The following SPAST variants were observed in gnomAD, a reference collection of about 807,000 sequenced individuals.
SPAST encodes the protein spastic paraplegia 4 (autosomal dominant; spastin).
Under a neutral mutation model 76.6 loss-of-function variants are expected in SPAST, and 30 were observed. The observed-to-expected ratio is 0.39, with a 90% confidence interval of 0.29 to 0.53. SPAST has a LOEUF of 0.53. Ranked by LOEUF, SPAST falls within the 20% of genes least tolerant of loss-of-function variation. The pLI is 0.68. For missense variants in SPAST, 717 were observed against 770.5 expected (o/e 0.93, Z 0.82); for synonymous variants, 305 against 281.0 (o/e 1.09, Z -0.86).
chr2:32,064,627 G>T (rs1228253865), intron 1 of SPAST, among the ~76,000 whole-genome samples: 1 of 152,148 alleles, frequency 6.6e-6, no homozygotes, highest in Non-Finnish European at 1.5e-5. Context: ...AAAAGGTTTT[G>T]ATATTGAAGA....
chr2:32,109,361 G>A (rs1009753460), intron 4 of SPAST, among the ~76,000 whole-genome samples: 10 of 151,854 alleles, frequency 6.6e-5, no homozygotes, highest in Admixed American at 2.0e-4. Context: ...CACCCGCCTC[G>A]GCCTCTCAAA....
At chr2:32,100,559 C>T (rs887908105) in intron 4 of SPAST, among the ~76,000 whole-genome samples, 1 of 151,994 alleles carries the variant, frequency 6.6e-6, no homozygotes, top group Non-Finnish European at 1.5e-5. Context: ...GTGCCGCACC[C>T]ATTAACTTGT....
At position 32,089,218 on chromosome 2, in the gene SPAST, T is replaced by TTTTTTTTC. The variant is rs375850129; in HGVS notation, c.503-304_503-303insTTTTTTTC. Among the ~76,000 whole-genome samples, 640 of 129,908 alleles carry TTTTTTTTC rather than the reference T, an allele frequency of 4.9e-3. 48 individuals are homozygous for TTTTTTTTC. The highest frequency in any genetic ancestry group is 0.017 in the African/African-American group (604 of 34,810). The allele number at this position is 129,908 out of a possible 152,430, so 85.2% of individuals were successfully genotyped here. On this transcript the variant is annotated intron_variant, in intron 2 of 16. Coordinates refer to ENST00000315285, the MANE Select transcript of SPAST (RefSeq NM_014946.4). ...CGGCTAATTTTTTTTTTTTTTTTTT[T>TTTTTTTTC]AAGTAGAGACCAGATCTCTTTATGT...
chr2:32,120,596 A>T (rs1678986101), intron 7 of SPAST, among the ~76,000 whole-genome samples: 2 of 143,998 alleles, frequency 1.4e-5, no homozygotes, highest in African/African-American at 5.1e-5. Flanking sequence ...TTTTTCCCAG[A>T]ATACCTTTTC....
intron 7 of SPAST, among the ~76,000 whole-genome samples, chr2:32,124,224 A>C (rs1339838359): frequency 1.3e-5 from 2 of 152,200 alleles, no homozygotes; most frequent in African/African-American, 4.8e-5. Context: ...CTGAACAGAC[A>C]CCTCACCAAG....
chr2:32,066,958 G>A (rs1376957238), intron 1 of SPAST, among the ~76,000 whole-genome samples: 1 of 92,680 alleles, frequency 1.1e-5, no homozygotes, highest in Non-Finnish European at 2.0e-5. Context: ...TGGGTGACAG[G>A]AGTAAAACTG....
intron 1 of SPAST, among the ~76,000 whole-genome samples, chr2:32,075,697 A>G (rs1230629849): frequency 6.7e-6 from 1 of 149,308 alleles, no homozygotes; most frequent in Non-Finnish European, 1.5e-5. Context: ...CTACAGGCAC[A>G]TGGCACCATG....
At chr2:32,078,025 C>G (rs931370148) in intron 1 of SPAST, 1 of 152,020 alleles carries the variant, frequency 6.6e-6, no homozygotes, top group East Asian at 1.9e-4. Context: ...GAGTCTCGCT[C>G]TGTCGCCCAG....
chr2:32,138,004 G>A (rs1043270825), intron 12 of SPAST, among the ~76,000 whole-genome samples: 1 of 152,024 alleles, frequency 6.6e-6, no homozygotes, highest in Non-Finnish European at 1.5e-5. Flanking sequence ...CTTTTTTATG[G>A]CTGCGTAGTA....
intron 1 of SPAST, among the ~76,000 whole-genome samples, chr2:32,086,142 A>T (rs564115948): frequency 6.6e-6 from 1 of 152,024 alleles, no homozygotes; most frequent in Non-Finnish European, 1.5e-5. Context: ...AAGGAATAGT[A>T]TGGAAATTTT....
intron 10 of SPAST, 71 bp from the exon 11 acceptor site, chr2:32,136,806 A>G: frequency 7.7e-7 from 1 of 1,302,814 alleles, no homozygotes; most frequent in Non-Finnish European, 1.1e-6. Flanking sequence ...ATAAGTAGTA[A>G]ACTAGATTAA....
chr2:32,064,545 G>A (rs2148686274), intron 1 of SPAST, among the ~76,000 whole-genome samples: 1 of 152,302 alleles, frequency 6.6e-6, no homozygotes, highest in East Asian at 1.9e-4. Context: ...AGTGACATTT[G>A]TCCTAGAGTG....
chr2:32,122,981 G>T (rs1679066962), intron 7 of SPAST, among the ~76,000 whole-genome samples: 1 of 152,066 alleles, frequency 6.6e-6, no homozygotes, highest in South Asian at 2.1e-4. Context: ...ACACAATACT[G>T]CTGGGTGCAG....
rs375850129 is a variant in SPAST at position 32,089,218 on chromosome 2, T to TTTTTTTTTTTTTTTTTTTTTC, written c.503-304_503-303insTTTTTTTTTTTTTTTTTTTTC. Among the ~76,000 whole-genome samples the TTTTTTTTTTTTTTTTTTTTTC allele has an allele frequency of 1.6e-3, 203 of 129,954 alleles. 15 individuals are homozygous for TTTTTTTTTTTTTTTTTTTTTC. Among genetic ancestry groups the TTTTTTTTTTTTTTTTTTTTTC allele is most frequent in the African/African-American group, 5.0e-3 (173 of 34,860 alleles). The allele number at this position is 129,954 out of a possible 152,430, so 85.3% of individuals were successfully genotyped here. On this transcript the variant is annotated intron_variant, in intron 2 of 16. Coordinates refer to ENST00000315285, the MANE Select transcript of SPAST (RefSeq NM_014946.4). ...CGGCTAATTTTTTTTTTTTTTTTTT[T>TTTTTTTTTTTTTTTTTTTTTC]AAGTAGAGACCAGATCTCTTTATGT... is the stretch of plus-strand genomic sequence containing the variant.
At chr2:32,113,240 C>G (rs1202734772) in intron 4 of SPAST, among the ~76,000 whole-genome samples, 1 of 151,840 alleles carries the variant, frequency 6.6e-6, no homozygotes, top group African/African-American at 2.4e-5. Context: ...GATGTGCCAC[C>G]ACGCCCAGCT....
chr2:32,142,703 G>A (rs1436253257), intron 13 of SPAST, among the ~76,000 whole-genome samples: 2 of 152,014 alleles, frequency 1.3e-5, no homozygotes, highest in African/African-American at 2.4e-5. Context: ...GCCAGAAATC[G>A]AAAATTTCTA....
At chr2:32,076,434 C>G (rs899040991) in intron 1 of SPAST, among the ~76,000 whole-genome samples, 1 of 152,066 alleles carries the variant, frequency 6.6e-6, no homozygotes, top group African/African-American at 2.4e-5. Flanking sequence ...ATTACCCAGG[C>G]TGGTCTTGAA....
intron 4 of SPAST, among the ~76,000 whole-genome samples, chr2:32,109,992 A>G (rs996548746): frequency 2.0e-5 from 3 of 148,608 alleles, no homozygotes; most frequent in Non-Finnish European, 4.5e-5. Context: ...TTATATATGT[A>G]TTAGTTATAT....
At chr2:32,081,347 G>A (rs1026831452) in intron 1 of SPAST, among the ~76,000 whole-genome samples, 3 of 152,006 alleles carry the variant, frequency 2.0e-5, no homozygotes. Context: ...ACCTGCCTCA[G>A]CCTCCCAAAG....
Sources: gnomAD v4.1 joint callset for allele counts (sites outside exome capture counted in the v4.1 genomes callset) on GRCh38, gnomAD v4.1.1 for gene constraint, MANE v1.5 for transcripts, NCBI Gene and HGNC (gene_info 2026-07-23, HGNC 2026-07-21) for gene names.